Variants in NRXN1 observed in about 807,000 individuals in gnomAD.
NRXN1 encodes neurexin-1.
A neutral mutation model predicts 150.9 loss-of-function variants in NRXN1; 39 were observed. The observed-to-expected ratio is 0.26, with a 90% CI of 0.20 to 0.34. The LOEUF is 0.34. Ranked by LOEUF, NRXN1 falls within the 10% of genes least tolerant of loss-of-function variation. The pLI, the probability that NRXN1 is intolerant of heterozygous loss-of-function variation, is 1.00. For missense variants in NRXN1, 1,815 were observed against 1,949.9 expected (o/e 0.93, Z 1.30); for synonymous variants, 924 against 757.0 (o/e 1.22, Z -3.62).
At chr2:50,133,751 G>A (rs2152750204) in intron 18 of NRXN1, among the ~76,000 whole-genome samples, 1 of 152,182 alleles carries the variant, frequency 6.6e-6, no homozygotes, top group East Asian at 1.9e-4. Flanking sequence ...AGCAAGAAGG[G>A]TCTTGGTTAT....
At chr2:50,812,498 T>C (rs1490164776) in intron 5 of NRXN1, among the ~76,000 whole-genome samples, 2 of 152,116 alleles carry the variant, frequency 1.3e-5, no homozygotes, top group Non-Finnish European at 2.9e-5. Context: ...TAAGTCAATG[T>C]CTTAGTAAAC....
At chr2:50,340,279 A>G (rs1030819096) in intron 17 of NRXN1, among the ~76,000 whole-genome samples, 1 of 152,168 alleles carries the variant, frequency 6.6e-6, no homozygotes, top group African/African-American at 2.4e-5. Context: ...ACACTGAACA[A>G]TCTTGTATTT....
At chr2:50,742,963 G>A (rs368065121) in intron 5 of NRXN1, among the ~76,000 whole-genome samples, 1 of 152,294 alleles carries the variant, frequency 6.6e-6, no homozygotes. Flanking sequence ...AACAAGTGAA[G>A]AGACAATGTT....
At chr2:50,283,741 C>T (rs2071761803) in intron 17 of NRXN1, among the ~76,000 whole-genome samples, 1 of 152,086 alleles carries the variant, frequency 6.6e-6, no homozygotes, top group Non-Finnish European at 1.5e-5. Flanking sequence ...TTAATATATG[C>T]TCTGACTGTA....
rs115351126 is a variant in NRXN1 at position 50,598,326 on chromosome 2, A to G, written c.1320+21696T>C. ...TTAGAATCACATTGATTTAGTTTGC[A>G]TCTTTGTTCAGTCTCTTAACAGGAT... is the stretch of plus-strand genomic sequence containing the variant. On this transcript the variant is annotated intron_variant, in intron 8 of 22. Transcript: ENST00000401669. Among the ~76,000 whole-genome samples, 1,361 of 152,204 alleles carry G rather than the reference A, an allele frequency of 8.9e-3. 15 individuals are homozygous for G. The highest frequency in any genetic ancestry group is 0.01 in the Non-Finnish European group (707 of 68,014).
chr2:50,618,933 G>T (rs1226436374), intron 8 of NRXN1, among the ~76,000 whole-genome samples: 1 of 151,918 alleles, frequency 6.6e-6, no homozygotes, highest in Non-Finnish European at 1.5e-5. Flanking sequence ...TTTCAGAACT[G>T]CACCTCTTCA....
At chr2:50,122,385 A>T (rs1221501898) in intron 18 of NRXN1, among the ~76,000 whole-genome samples, 3 of 152,246 alleles carry the variant, frequency 2.0e-5, no homozygotes, top group Admixed American at 2.0e-4. Flanking sequence ...ATGAGGTCCA[A>T]AGTAATGCTT....
At chr2:50,602,878 T>C (rs932734558) in intron 8 of NRXN1, among the ~76,000 whole-genome samples, 1 of 152,174 alleles carries the variant, frequency 6.6e-6, no homozygotes, top group Non-Finnish European at 1.5e-5. Flanking sequence ...TCTCACTCTT[T>C]GATTTATATT....
At chr2:50,824,700 C>G (rs935437599) in intron 5 of NRXN1, among the ~76,000 whole-genome samples, 3 of 152,052 alleles carry the variant, frequency 2.0e-5, no homozygotes, top group African/African-American at 7.2e-5. Context: ...CCAGGTGAAT[C>G]TAGGGCCCAG....
intron 12 of NRXN1, among the ~76,000 whole-genome samples, chr2:50,511,303 C>T (rs565581503): frequency 6.6e-6 from 1 of 152,158 alleles, no homozygotes; most frequent in Non-Finnish European, 1.5e-5. Flanking sequence ...TCTCTGCCAG[C>T]CTTGGCCTAC....
rs1432728065 is a variant in NRXN1 at position 50,422,302 on chromosome 2, G to A, written c.3364+43140C>T. ...CTAAAACACCAGTTTGTGTCCCCAT[G>A]AATTCTAACTATAGCCTAGAGTAAA... On this transcript the variant is annotated intron_variant, in intron 17 of 22. Transcript: ENST00000401669. 2.6e-5 allele frequency among the ~76,000 whole-genome samples: 4 copies of A among 152,156 alleles called. No homozygotes were observed. The East Asian group carries it at 5.8e-4, about 22-fold the overall frequency.
intron 21 of NRXN1, among the ~76,000 whole-genome samples, chr2:49,946,709 A>T (rs1005194827): frequency 6.6e-6 from 1 of 151,950 alleles, no homozygotes; most frequent in African/African-American, 2.4e-5. Context: ...ACTAGAAAAA[A>T]CTACTTTATA....
intron 17 of NRXN1, among the ~76,000 whole-genome samples, chr2:50,289,044 A>G (rs1462205016): frequency 1.3e-5 from 2 of 152,246 alleles, no homozygotes; most frequent in South Asian, 4.1e-4. Context: ...TTGATGACCT[A>G]GTAGCAACTC....
At chr2:50,461,832 T>C (rs532640996) in intron 17 of NRXN1, among the ~76,000 whole-genome samples, 28 of 152,068 alleles carry the variant, frequency 1.8e-4, no homozygotes, top group African/African-American at 6.7e-4. Flanking sequence ...GGAAATTATA[T>C]TTCTTCAAGC....
At chr2:50,467,607 G>C (rs1044742677) in intron 16 of NRXN1, among the ~76,000 whole-genome samples, 1 of 151,262 alleles carries the variant, frequency 6.6e-6, no homozygotes, top group Non-Finnish European at 1.5e-5. Context: ...CCTAGCCTCT[G>C]AGAATTCACA....
intron 5 of NRXN1, among the ~76,000 whole-genome samples, chr2:50,759,477 G>A (rs1015258328): frequency 5.3e-5 from 8 of 151,866 alleles, no homozygotes; most frequent in South Asian, 2.1e-4. Context: ...ACGATCTGAC[G>A]CAAGTCAATG....
chr2:50,200,199 C>A (rs181941968), intron 18 of NRXN1, among the ~76,000 whole-genome samples: 30 of 152,248 alleles, frequency 2.0e-4, no homozygotes, highest in African/African-American at 7.2e-4. Flanking sequence ...TACATACCCA[C>A]CCATAAATGT....
intron 17 of NRXN1, among the ~76,000 whole-genome samples, chr2:50,438,251 T>C (rs973241845): frequency 2.6e-5 from 4 of 152,202 alleles, no homozygotes; most frequent in African/African-American, 9.7e-5. Context: ...ACAAGAACCC[T>C]GAGTTTTTGT....
At chr2:50,774,907 T>G (rs1409614472) in intron 5 of NRXN1, among the ~76,000 whole-genome samples, 3 of 152,192 alleles carry the variant, frequency 2.0e-5, no homozygotes, top group African/African-American at 4.8e-5. Context: ...CCCTATGATC[T>G]AAAATAAACC....
Sources: gnomAD v4.1 joint callset for allele counts (sites outside exome capture counted in the v4.1 genomes callset) on GRCh38, gnomAD v4.1.1 for gene constraint, MANE v1.5 for transcripts, NCBI Gene and HGNC (gene_info 2026-07-23, HGNC 2026-07-21) for gene names.